The following EDIL3 variants were observed in gnomAD, a reference collection of about 807,000 sequenced individuals.
EDIL3 encodes EGF-like repeat and discoidin I-like domain-containing protein 3.
In EDIL3, 37 loss-of-function variants were observed where a neutral mutation model predicts 67.4. The ratio of observed to expected loss-of-function variants is 0.55; its 90% confidence interval spans 0.42 to 0.72. The LOEUF (loss-of-function observed/expected upper bound fraction) is 0.72, where lower values mean the gene tolerates loss of function less well. Ranked by LOEUF, EDIL3 falls within the 30% of genes least tolerant of loss-of-function variation. EDIL3 has a pLI of 0.00. For missense variants in EDIL3, 527 were observed against 586.3 expected (o/e 0.90, Z 1.04); for synonymous variants, 195 against 196.3 (o/e 0.99, Z 0.05).
chr5:84,138,166 G>A (rs1748127327), intron 4 of EDIL3, among the ~76,000 whole-genome samples: 1 of 152,316 alleles, frequency 6.6e-6, no homozygotes, highest in Non-Finnish European at 1.5e-5. Flanking sequence ...GTGGGAGCCA[G>A]TACAGTAGTT....
intron 3 of EDIL3, among the ~76,000 whole-genome samples, chr5:84,215,267 T>C (rs1311811003): frequency 6.6e-6 from 1 of 152,154 alleles, no homozygotes; most frequent in Non-Finnish European, 1.5e-5. Context: ...ATTTTTTTTT[T>C]TCTTGAGACG....
chr5:84,048,709 T>C (rs1746274103), intron 9 of EDIL3, among the ~76,000 whole-genome samples: 3 of 152,040 alleles, frequency 2.0e-5, no homozygotes, highest in Admixed American at 6.6e-5. Flanking sequence ...TAGTAAATTA[T>C]CCATTTTCTA....
intron 3 of EDIL3, among the ~76,000 whole-genome samples, chr5:84,227,142 A>G (rs1482202206): frequency 6.6e-6 from 1 of 152,016 alleles, no homozygotes; most frequent in African/African-American, 2.4e-5. Context: ...ATTGACACCC[A>G]GAGAGAAAGT....
At chr5:84,246,060 G>A (rs1744904474) in intron 2 of EDIL3, among the ~76,000 whole-genome samples, 1 of 152,036 alleles carries the variant, frequency 6.6e-6, no homozygotes, top group Non-Finnish European at 1.5e-5. Flanking sequence ...AACGTAAAAA[G>A]AAATATCTGC....
chr5:84,196,172 AT>A (rs1743699542), intron 3 of EDIL3, among the ~76,000 whole-genome samples: 11 of 151,944 alleles, frequency 7.2e-5, no homozygotes, highest in Admixed American at 5.9e-4. Context: ...ACAATAAATG[AT>A]TTATTGATAT....
chr5:84,050,689 C>T (rs1746318769), intron 9 of EDIL3, among the ~76,000 whole-genome samples: 1 of 152,206 alleles, frequency 6.6e-6, no homozygotes, highest in African/African-American at 2.4e-5. Flanking sequence ...CTCAGAGGGT[C>T]CCACGCCCAC....
intron 4 of EDIL3, among the ~76,000 whole-genome samples, chr5:84,152,613 C>A (rs1477851959): frequency 6.6e-6 from 1 of 152,132 alleles, no homozygotes; most frequent in Non-Finnish European, 1.5e-5. Context: ...GTAACATCGT[C>A]TGCTTAATTT....
At chr5:83,955,755 T>C (rs1469296610) in intron 10 of EDIL3, among the ~76,000 whole-genome samples, 1 of 151,792 alleles carries the variant, frequency 6.6e-6, no homozygotes, top group South Asian at 2.1e-4. Flanking sequence ...TATTTGTTTC[T>C]ACCACCTAAT....
At chr5:84,373,023 G>A (rs1439229889) in intron 1 of EDIL3, among the ~76,000 whole-genome samples, 5 of 151,824 alleles carry the variant, frequency 3.3e-5, no homozygotes, top group Admixed American at 1.3e-4. Context: ...ATAACTTCTG[G>A]GTCTGAACAT....
At chr5:84,162,403 C>A (rs141771327) in intron 4 of EDIL3, among the ~76,000 whole-genome samples, 52 of 152,206 alleles carry the variant, frequency 3.4e-4, no homozygotes, top group African/African-American at 1.2e-3. Context: ...TCCACCTTAT[C>A]CTCCATTCTC....
At chr5:84,130,279 T>C (rs1281656154) in intron 5 of EDIL3, among the ~76,000 whole-genome samples, 1 of 152,188 alleles carries the variant, frequency 6.6e-6, no homozygotes, top group African/African-American at 2.4e-5. Context: ...GTATATTCTA[T>C]GAGAGTAGGA....
In EDIL3 at chr5:84,376,909, A is replaced by T. The variant is rs772200515; in HGVS notation, c.67+7399T>A. 2.0e-4 allele frequency among the ~76,000 whole-genome samples: 31 copies of T among 152,250 alleles called. 1 individual carries two copies. The highest frequency in any genetic ancestry group is 3.4e-4 in the Non-Finnish European group (23 of 68,048). On this transcript the variant is annotated intron_variant, in intron 1 of 10. Transcript: ENST00000296591. ...TAATTTGGTTTTTGTTTGTCTGTAA[A>T]CAACATTCCAGAAAAGTTAGCGTTT... is the stretch of plus-strand genomic sequence containing the variant.
chr5:83,994,143 G>T (rs566510036), intron 9 of EDIL3, among the ~76,000 whole-genome samples: 2 of 152,142 alleles, frequency 1.3e-5, no homozygotes, highest in East Asian at 3.9e-4. Context: ...GGCATTTTAC[G>T]CTTCCTTTAT....
chr5:84,340,936 C>T (rs1188768601), intron 1 of EDIL3, among the ~76,000 whole-genome samples: 1 of 151,850 alleles, frequency 6.6e-6, no homozygotes, highest in South Asian at 2.1e-4. Context: ...CCAAACTCCT[C>T]CCCTGCCACC....
rs145702259 is a variant in EDIL3 at position 84,091,426 on chromosome 5, C to T, written c.651+15223G>A. Among the ~76,000 whole-genome samples, 77 of 152,350 alleles carry T rather than the reference C, an allele frequency of 5.1e-4. 1 individual carries two copies. The highest frequency in any genetic ancestry group is 1.7e-3 in the South Asian group (8 of 4,828). Reference sequence around the variant, plus strand: ...TATGGAAAATATATAACTTTTTCTACAATTAAGTCTAACTACATTCAATTA... The same window carrying T: ...TATGGAAAATATATAACTTTTTCTATAATTAAGTCTAACTACATTCAATTA... On this transcript the variant is annotated intron_variant, in intron 6 of 10. Transcript: ENST00000296591.
chr5:84,038,764 G>A (rs1343856547), intron 9 of EDIL3, among the ~76,000 whole-genome samples: 1 of 152,210 alleles, frequency 6.6e-6, no homozygotes, highest in East Asian at 1.9e-4. Context: ...TTCAAAGCTA[G>A]GGACACAAAG....
chr5:84,176,222 TATATA>T (rs1226402924), intron 4 of EDIL3, among the ~76,000 whole-genome samples: 1 of 133,832 alleles, frequency 7.5e-6, no homozygotes, highest in East Asian at 2.2e-4. Flanking sequence ...TATATATATA[TATATA>T]ATATATTGTA....
chr5:83,948,904 T>G (rs1580247690), intron 10 of EDIL3, among the ~76,000 whole-genome samples: 1 of 151,934 alleles, frequency 6.6e-6, no homozygotes, highest in South Asian at 2.1e-4. Flanking sequence ...TCAATTCCAC[T>G]AAACCAATGA....
rs5869208 is a variant in EDIL3, at chr5:84,093,186, CT to C, written c.651+13462del. Among the ~76,000 whole-genome samples the C allele has an allele frequency of 8.3e-3, 1,208 of 144,790 alleles. 17 individuals carry two copies. Among genetic ancestry groups the C allele is most frequent in the African/African-American group, 0.024 (965 of 39,902 alleles). 95.0% of individuals were successfully genotyped at this position (144,790 alleles called of 152,430 possible). A position where few individuals can be genotyped will look rare whatever the true frequency, so the allele number is the denominator to read the frequency against. ...TGTGAAAACAAATACTATCTTTCTC[CT>C]TTTTTTTTTTTGTTCAGTATTCCCT... On this transcript the variant is annotated intron_variant, in intron 6 of 10. Transcript: ENST00000296591.
Sources: allele counts gnomAD v4.1 joint callset (sites outside exome capture counted in the v4.1 genomes callset), GRCh38; gene constraint gnomAD v4.1.1; transcripts MANE v1.5; gene names NCBI Gene and HGNC (gene_info 2026-07-23, HGNC 2026-07-21).